RIMBP2: variants seen among roughly 807,000 people sequenced by gnomAD.
The protein encoded by RIMBP2 is RIMS binding protein 2.
RIMBP2 carries 48 observed loss-of-function variants against 118.6 expected under a neutral mutation model. That is an observed-to-expected ratio of 0.40 (90% CI 0.32 to 0.51). RIMBP2 has a LOEUF of 0.51. Ranked by LOEUF, RIMBP2 falls within the 20% of genes least tolerant of loss-of-function variation. RIMBP2 has a pLI of 0.41. For missense variants in RIMBP2, 1,551 were observed against 1,768.3 expected, an observed-to-expected ratio of 0.88 and a Z score of 2.20; for synonymous variants, 762 against 742.9, an observed-to-expected ratio of 1.03 and a Z score of -0.42.
chr12:130,409,013 C>G (rs2075443903), intron 19 of RIMBP2, among the ~76,000 whole-genome samples: 1 of 152,164 alleles, frequency 6.6e-6, no homozygotes, highest in South Asian at 2.1e-4. Flanking sequence ...ACATGTGTGT[C>G]TCCTCCAGAG....
At chr12:130,653,453 T>C (rs2063307198) in intron 1 of RIMBP2, among the ~76,000 whole-genome samples, 1 of 152,202 alleles carries the variant, frequency 6.6e-6, no homozygotes, top group Non-Finnish European at 1.5e-5. Context: ...AGGGTGCAGC[T>C]CCCACGGCTG....
At chr12:130,452,099 T>C (rs924715201) in intron 7 of RIMBP2, among the ~76,000 whole-genome samples, 7 of 152,188 alleles carry the variant, frequency 4.6e-5, no homozygotes, top group African/African-American at 1.7e-4. Context: ...CGCAGCACTT[T>C]AACCAGGATC....
In RIMBP2 at chr12:130,419,376, G is replaced by A. The variant is rs532397893; in HGVS notation, c.3238+3077C>T. ...GGCTCATGCCTGGACGCCTGGGTGGGCTCCCAAATCCACTGGTGCCATAAG... is the reference window on the plus strand; with the variant it reads ...GGCTCATGCCTGGACGCCTGGGTGGACTCCCAAATCCACTGGTGCCATAAG... On this transcript the variant is annotated intron_variant, in intron 17 of 22. Transcript: ENST00000690449. The surrounding 1 kb of genome is among the most constrained non-coding windows in gnomAD (Gnocchi z 4.3). Among the ~76,000 whole-genome samples, 6 of 152,280 alleles carry A rather than the reference G, an allele frequency of 3.9e-5. No individual in the cohort carries two copies. Among genetic ancestry groups the A allele is most frequent in the Non-Finnish European group, 8.8e-5 (6 of 68,016 alleles).
chr12:130,552,008 C>T (rs1233401310), intron 2 of RIMBP2, among the ~76,000 whole-genome samples: 1 of 152,212 alleles, frequency 6.6e-6, no homozygotes, highest in Admixed American at 6.5e-5. Flanking sequence ...AATTGTTAAA[C>T]CAATGTTAAA....
chr12:130,548,601 TCTCA>T (rs1183998610), intron 2 of RIMBP2, among the ~76,000 whole-genome samples: 1 of 151,574 alleles, frequency 6.6e-6, no homozygotes, highest in African/African-American at 2.4e-5. Flanking sequence ...TGAGACAGAG[TCTCA>T]CTCTGTCACC....
chr12:130,468,754 C>T (rs1676688067), intron 6 of RIMBP2, among the ~76,000 whole-genome samples: 1 of 152,172 alleles, frequency 6.6e-6, no homozygotes, highest in South Asian at 2.1e-4. Context: ...GGGTTATCCG[C>T]TAGGCTCTCT....
intron 2 of RIMBP2, among the ~76,000 whole-genome samples, chr12:130,522,426 C>T (rs557833297): frequency 1.1e-4 from 16 of 152,316 alleles, no homozygotes; most frequent in South Asian, 1.0e-3. Flanking sequence ...GTCCCTCCTG[C>T]GGGTGCCACG....
At chr12:130,674,338 C>G (rs1420990869) in intron 1 of RIMBP2, among the ~76,000 whole-genome samples, 3 of 152,206 alleles carry the variant, frequency 2.0e-5, no homozygotes, top group Non-Finnish European at 2.9e-5. Context: ...AATTACGCCT[C>G]TTTTCTTTAG....
chr12:130,465,381 T>A (rs1265119456), intron 6 of RIMBP2: 1 of 152,414 alleles, frequency 6.6e-6, no homozygotes, highest in African/African-American at 2.4e-5. Context: ...ACCACAGAGC[T>A]GCCGACACGC....
At chr12:130,610,542 A>G (rs1566361971) in intron 2 of RIMBP2, among the ~76,000 whole-genome samples, 1 of 131,270 alleles carries the variant, frequency 7.6e-6, no homozygotes, top group African/African-American at 2.8e-5. Flanking sequence ...CATCAAAGTA[A>G]TTTTCCTGCT....
At chr12:130,529,163 C>CA (rs1352485938) in intron 2 of RIMBP2, among the ~76,000 whole-genome samples, 1 of 152,032 alleles carries the variant, frequency 6.6e-6, no homozygotes, top group Non-Finnish European at 1.5e-5. Context: ...GGATGAACCT[C>CA]AAAAAATGAC....
At chr12:130,591,371 G>A (rs527613062) in intron 2 of RIMBP2, among the ~76,000 whole-genome samples, 2 of 152,338 alleles carry the variant, frequency 1.3e-5, no homozygotes, top group African/African-American at 4.8e-5. Flanking sequence ...TAAATGGATG[G>A]GGAGCACGGC....
In RIMBP2 at chr12:130,396,281, T is replaced by TGAA. The variant is rs895546535; in HGVS notation, c.*1077_*1079dup. ...ATATTACAATTTATAATAGCGTTTTTGAAGACACAATGGGGAAAGCTTTGT... is the reference window on the plus strand; with the variant it reads ...ATATTACAATTTATAATAGCGTTTTTGAAGAAGACACAATGGGGAAAGCTTTGT... On this transcript the variant is annotated 3_prime_UTR_variant, in exon 23 of 23. Transcript: ENST00000690449. 1 of 152,670 alleles carries TGAA rather than the reference T, an allele frequency of 6.6e-6. No homozygotes were observed. The highest frequency in any genetic ancestry group is 1.5e-5 in the Non-Finnish European group (1 of 68,036). The allele number at this position is 152,670 out of a possible 1,614,324, so 9.5% of individuals were successfully genotyped here.
chr12:130,578,304 G>A lies in RIMBP2; in HGVS notation c.-217+50018C>T, dbSNP rs538057248. The stretch of plus-strand genomic sequence containing the variant: ...TGGTCTACCCAATGCCTTCTGCCCC[G>A]TTTCCAGAATCATCTTTCTCAAGCA... On this transcript the variant is annotated intron_variant, in intron 2 of 22. Coordinates refer to ENST00000690449, the MANE Select transcript of RIMBP2 (RefSeq NM_001393629.1). The surrounding 1 kb of genome is among the most constrained non-coding windows in gnomAD (Gnocchi z 4.1). 5.3e-5 allele frequency among the ~76,000 whole-genome samples: 8 copies of A among 152,274 alleles called. No individual in the cohort carries two copies. The highest frequency in any genetic ancestry group is 2.1e-4 in the South Asian group (1 of 4,828).
chr12:130,557,235 C>G (rs961552581), intron 2 of RIMBP2, among the ~76,000 whole-genome samples: 1 of 152,108 alleles, frequency 6.6e-6, no homozygotes, highest in Non-Finnish European at 1.5e-5. Flanking sequence ...CTGGCAGCCA[C>G]AGAGACAGGG....
Position 130,407,887 on chromosome 12 carries a change from T to C in RIMBP2, c.3590-58A>G, listed in dbSNP as rs890339649. On this transcript the variant is annotated intron_variant, in intron 19 of 22. Coordinates refer to ENST00000690449, the MANE Select transcript of RIMBP2 (RefSeq NM_001393629.1). Reference sequence around the variant, plus strand: ...CATGAGGTTATTTCAAACTTAGCGGTGTTCCCCTCCTTCCGGGTCACACAT... The same window carrying C: ...CATGAGGTTATTTCAAACTTAGCGGCGTTCCCCTCCTTCCGGGTCACACAT... The C allele has an allele frequency of 8.1e-6, 12 of 1,488,958 alleles. No homozygotes were observed. In the Admixed American group the frequency reaches 2.0e-4, roughly 25 times the overall value. The allele number at this position is 1,488,958 out of a possible 1,614,324, so 92.2% of individuals were successfully genotyped here. A position where few individuals can be genotyped will look rare whatever the true frequency, so the allele number is the denominator to read the frequency against.
At chr12:130,510,906 G>C (rs1361877332) in intron 3 of RIMBP2, among the ~76,000 whole-genome samples, 1 of 152,184 alleles carries the variant, frequency 6.6e-6, no homozygotes, top group Non-Finnish European at 1.5e-5. Flanking sequence ...ACAAGGAGGA[G>C]AGGGTGTGTG....
chr12:130,601,305 C>G (rs1479753906), intron 2 of RIMBP2, among the ~76,000 whole-genome samples: 2 of 144,484 alleles, frequency 1.4e-5, no homozygotes, highest in African/African-American at 5.1e-5. Flanking sequence ...GCTGCTCACC[C>G]ACCCTGGGGA....
intron 2 of RIMBP2, among the ~76,000 whole-genome samples, chr12:130,616,694 C>A (rs1272267587): frequency 6.6e-6 from 1 of 152,166 alleles, no homozygotes; most frequent in Non-Finnish European, 1.5e-5. Context: ...AGGCAGAGCC[C>A]AGGGCTGGCA....
Sources: allele counts gnomAD v4.1 joint callset (sites outside exome capture counted in the v4.1 genomes callset), GRCh38; gene constraint gnomAD v4.1.1; non-coding constraint Gnocchi (gnomAD v3.1); transcripts MANE v1.5; gene names NCBI Gene and HGNC (gene_info 2026-07-23, HGNC 2026-07-21).